Variants in LEFTY2 observed in about 807,000 individuals in gnomAD.
The protein encoded by LEFTY2 is TGF-beta-4.
In LEFTY2, 10 loss-of-function variants were observed where a neutral mutation model predicts 26.4. The ratio of observed to expected loss-of-function variants is 0.38; its 90% CI spans 0.23 to 0.64. The LOEUF is 0.64. Ranked by LOEUF, LEFTY2 falls within the 30% of genes least tolerant of loss-of-function variation. The probability of loss-of-function intolerance (pLI) is 0.56; values close to 1 mark genes in which losing one functional copy is unlikely to be tolerated. For synonymous variants in LEFTY2, 204 were observed against 234.1 expected (o/e 0.87, Z 1.17); for missense variants, 407 against 502.1 (o/e 0.81, Z 1.81).
Position 225,937,345 on chromosome 1 carries a change from G to C in LEFTY2, c.*96C>G. ...AAGGTCACACAGGAGCACTAAATTGGGATGGAGTAACTTGCTAAGTATAAA... is the reference window on the plus strand; with the variant it reads ...AAGGTCACACAGGAGCACTAAATTGCGATGGAGTAACTTGCTAAGTATAAA... On this transcript the variant is annotated 3_prime_UTR_variant, in exon 4 of 4. Coordinates refer to ENST00000366820, the MANE Select transcript of LEFTY2 (RefSeq NM_003240.5). The C allele has an allele frequency of 6.3e-7, 1 of 1,590,860 alleles. No homozygotes were observed. The highest frequency in any genetic ancestry group is 8.6e-7 in the Non-Finnish European group (1 of 1,168,372).
Position 225,939,494 on chromosome 1 carries a change from A to G in LEFTY2, c.604T>C (p.Ser202Pro). The G allele has an allele frequency of 6.2e-7, 1 of 1,611,458 alleles. No homozygotes were observed. Among genetic ancestry groups the G allele is most frequent in the South Asian group, 1.1e-5 (1 of 91,006 alleles). Residue 202 changes from serine to proline, a missense_variant, in exon 3 of 4, where the codon TCG (serine) becomes CCG (proline). Coordinates refer to ENST00000366820, the MANE Select transcript of LEFTY2 (RefSeq NM_003240.5). The surrounding 1 kb of genome is among the most constrained non-coding windows in gnomAD (Gnocchi z 4.1). ...GGGCCCAGATGCTCCCTCTGCACCGACACCTGTAGCAGCAGCGGCTGCCGG... is the reference window on the plus strand; with the variant it reads ...GGGCCCAGATGCTCCCTCTGCACCGGCACCTGTAGCAGCAGCGGCTGCCGG... ...RPRQPLLLQVSVQREHLGPLA... is the reference protein window; with the variant it reads ...RPRQPLLLQVPVQREHLGPLA...
In LEFTY2 at chr1:225,939,333, C is replaced by A. The variant is rs1393428696; in HGVS notation, c.737+28G>T. 6.2e-7 allele frequency: 1 copy of A among 1,613,036 alleles called. No individual in the cohort carries two copies. Among genetic ancestry groups the A allele is most frequent in the Admixed American group, 1.7e-5 (1 of 59,972 alleles). On this transcript the variant is annotated intron_variant, in intron 3 of 3. Coordinates refer to ENST00000366820, the MANE Select transcript of LEFTY2 (RefSeq NM_003240.5). The surrounding 1 kb of genome is among the most constrained non-coding windows in gnomAD (Gnocchi z 4.1). ...GTCTGGACCACTCAGTGGCTGCTTG[C>A]CTCCCTTCTGCCCAGTCCTGCACCT...
At chr1:225,940,806 AG>A in intron 1 of LEFTY2, 84 bp downstream of exon 1, 1 of 1,595,900 alleles carries the variant, frequency 6.3e-7, no homozygotes, top group Non-Finnish European at 8.6e-7. Context: ...CCAAAAGGCC[AG>A]GGGCCCTTCG....
In LEFTY2 at chr1:225,937,318, C is replaced by A. The variant is rs760522469; in HGVS notation, c.*123G>T. 6.6e-7 allele frequency: 1 copy of A among 1,506,738 alleles called. No homozygotes were observed. Among genetic ancestry groups the A allele is most frequent in the South Asian group, 1.1e-5 (1 of 87,850 alleles). 93.3% of individuals were successfully genotyped at this position (1,506,738 alleles called of 1,614,324 possible). ...AGACAGGAAATGGAAGGACACAGGG[C>A]GAAGGTCACACAGGAGCACTAAATT... On this transcript the variant is annotated 3_prime_UTR_variant, in exon 4 of 4. Transcript: ENST00000366820.
Position 225,937,445 on chromosome 1 carries a change from G to A in LEFTY2, c.1097C>T (p.Pro366Leu). The A allele has an allele frequency of 6.2e-7, 1 of 1,613,926 alleles. No homozygotes were observed. The highest frequency in any genetic ancestry group is 8.5e-7 in the Non-Finnish European group (1 of 1,180,042). Residue 366 changes from proline (P) to leucine (L), a missense_variant, in exon 4 of 4, where the codon CCA becomes CTA. Transcript: ENST00000366820. ...CTCAATGGATACACCAGGCGCCTATGGCTGGAGCCTCCTTGGCACGAGCGC... is the reference window on the plus strand; with the variant it reads ...CTCAATGGATACACCAGGCGCCTATAGCTGGAGCCTCCTTGGCACGAGCGC... ...DGALVPRRLQ[P>L]
At position 225,941,095 on chromosome 1, in the gene LEFTY2, C is replaced by T; in HGVS notation, c.46G>A (p.Ala16Thr). Residue 16 changes from alanine (A) to threonine (T), a missense_variant, in exon 1 of 4, where the codon GCT becomes ACT. Coordinates refer to ENST00000366820, the MANE Select transcript of LEFTY2 (RefSeq NM_003240.5). ...LCWALWVLPL[A>T]GPGAALTEEQ... ...TCGGTCAGGGCCGCCCCGGGGCCAG[C>T]CAGGGGCAGCACCCAGAGTGCCCAG... 1 of 1,591,396 alleles carries T rather than the reference C, an allele frequency of 6.3e-7. No homozygotes were observed. The highest frequency in any genetic ancestry group is 1.3e-5 in the African/African-American group (1 of 74,684).
In LEFTY2 at chr1:225,939,637, C is replaced by G. The variant is rs779806325; in HGVS notation, c.498-37G>C. ...TACACACGACACGGAGACCCAGCGC[C>G]GCTTGAGGGCGGGGACTGGGACGGG... On this transcript the variant is annotated intron_variant, in intron 2 of 3. Transcript: ENST00000366820. This position sits in a 1 kb window ranked among gnomAD's most constrained non-coding sequence, Gnocchi z 4.1. 1.9e-6 allele frequency: 3 copies of G among 1,612,308 alleles called. No individual in the cohort carries two copies. Among genetic ancestry groups the G allele is most frequent in the Non-Finnish European group, 2.5e-6 (3 of 1,179,764 alleles).
rs1281571080 is a variant in LEFTY2, at chr1:225,939,738, C to A, written c.497+18G>T. ...AGCAGCCTCCTACTCCTGCCCTGCG[C>A]GCCCGCGCGACCCCCACCTGGAGTC... On this transcript the variant is annotated intron_variant, in intron 2 of 3. Transcript: ENST00000366820. The surrounding 1 kb of genome is among the most constrained non-coding windows in gnomAD (Gnocchi z 4.1). The A allele has an allele frequency of 4.4e-6, 7 of 1,601,552 alleles. No homozygotes were observed. In the South Asian group the frequency reaches 6.6e-5, roughly 15 times the overall value.
rs775526350 is a variant in LEFTY2 at position 225,937,710 on chromosome 1, C to A, written c.832G>T (p.Ala278Ser). 1.9e-6 allele frequency: 3 copies of A among 1,613,026 alleles called. No individual in the cohort carries two copies. In the South Asian group the frequency reaches 3.3e-5, roughly 18 times the overall value. ...GGGGGCTCCAGCACCCAGTTCTTGG[C>A]CCACTTCATCCCCTGCAGGTCAATG... ...MYIDLQGMKW[A>S]KNWVLEPPGF... The change falls in exon 4 of 4, where the codon GCC becomes TCC. Residue 278 changes from alanine (A) to serine (S), a missense_variant. Physicochemically the swap from Ala to Ser is moderately conservative, Grantham distance 99. Coordinates refer to ENST00000366820, the MANE Select transcript of LEFTY2 (RefSeq NM_003240.5).
chr1:225,937,893 G>A (rs540728004), intron 3 of LEFTY2, 89 bp from the exon 4 acceptor site: 926 of 1,481,804 alleles, frequency 6.2e-4, no homozygotes, highest in Non-Finnish European at 7.9e-4. Context: ...ACCTGGGAGG[G>A]AGGTTTATGA....
Position 225,941,048 on chromosome 1 carries a change from C to T in LEFTY2, c.93G>A (p.Leu31=). Residue 31 remains leucine (L), a synonymous_variant, in exon 1 of 4, where the codon CTG becomes CTA. Coordinates refer to ENST00000366820, the MANE Select transcript of LEFTY2 (RefSeq NM_003240.5). ...CCTCGCTGAGCTGCAGCTGCCGCAG[C>T]AGGCTGCCCAGGAGCTGCTCCTCGG... is the stretch of plus-strand genomic sequence containing the variant. ...ALTEEQLLGS[L]LRQLQLSEVP... 1.2e-6 allele frequency: 2 copies of T among 1,611,842 alleles called. No homozygotes were observed. Among genetic ancestry groups the T allele is most frequent in the Non-Finnish European group, 1.7e-6 (2 of 1,179,400 alleles).
intron 3 of LEFTY2, among the ~76,000 whole-genome samples, chr1:225,938,652 C>T (rs532528469): frequency 1.4e-3 from 212 of 151,584 alleles, no homozygotes; most frequent in Non-Finnish European, 2.5e-3. Context: ...CATACTTGGC[C>T]TTACAATTTT....
Position 225,939,822 on chromosome 1 carries a change from C to T in LEFTY2, c.431G>A (p.Arg144Gln), listed in dbSNP as rs780129261. The part of the protein sequence containing the change: ...GRLSPRSAQA[R>Q]VTVEWLRVRD... Reference sequence around the variant, plus strand: ...GACGCGCAGCCACTCGACGGTCACCCGGGCCTGGGCGCTGCGCGGGGACAG... The same window carrying T: ...GACGCGCAGCCACTCGACGGTCACCTGGGCCTGGGCGCTGCGCGGGGACAG... Residue 144 changes from arginine to glutamine, a missense_variant, in exon 2 of 4, where the codon CGG (arginine) becomes CAG (glutamine). By Grantham distance (43) the Arg-to-Gln change is conservative (BLOSUM62 1). Coordinates refer to ENST00000366820, the MANE Select transcript of LEFTY2 (RefSeq NM_003240.5). The surrounding 1 kb of genome is among the most constrained non-coding windows in gnomAD (Gnocchi z 4.1). 1.9e-6 allele frequency: 3 copies of T among 1,550,596 alleles called. No individual in the cohort carries two copies. Among genetic ancestry groups the T allele is most frequent in the Non-Finnish European group, 8.7e-7 (1 of 1,153,526 alleles).
chr1:225,939,367 T>G lies in LEFTY2; in HGVS notation c.731A>C (p.Asp244Ala). 6.2e-7 allele frequency: 1 copy of G among 1,613,730 alleles called. No homozygotes were observed. The highest frequency in any genetic ancestry group is 8.5e-7 in the Non-Finnish European group (1 of 1,179,882). The change falls in exon 3 of 4, where the codon GAC (aspartate) becomes GCC (alanine). Residue 244 changes from aspartate to alanine, a missense_variant. Physicochemically the swap from Asp to Ala is moderately radical, Grantham distance 126. Transcript: ENST00000366820. This position sits in a 1 kb window ranked among gnomAD's most constrained non-coding sequence, Gnocchi z 4.1. ...QLELHTLDLR[D>A]YGAQGDCDPE... The stretch of plus-strand genomic sequence containing the variant: ...TGCCCAGTCCTGCACCTACCCATAG[T>G]CCCTGAGGTCCAGGGTGTGCAGCTC...
At chr1:225,940,756 C>T (rs1257918496) in intron 1 of LEFTY2, 135 bp downstream of exon 1, 11 of 1,371,224 alleles carry the variant, frequency 8.0e-6, no homozygotes, top group Non-Finnish European at 9.0e-6. Context: ...CTCCTCACTG[C>T]TCCTTGGACC....
rs768357169 is a variant in LEFTY2 at position 225,940,956 on chromosome 1, A to G, written c.185T>C (p.Val62Ala). Residue 62 changes from valine to alanine, a missense_variant, in exon 1 of 4, where the codon GTA becomes GCA. Transcript: ENST00000366820. ...VIPAHVRAQY[V>A]VLLRRSHGDR... ...CCCGTGGCTGCGCCGCAGCAGGACT[A>G]CATACTGGGCCCTCACGTGGGCGGG... The G allele has an allele frequency of 6.2e-7, 1 of 1,613,550 alleles. No individual in the cohort carries two copies.
intron 3 of LEFTY2, among the ~76,000 whole-genome samples, 200 bp from the exon 4 acceptor site, chr1:225,938,004 C>A (rs1487356974): frequency 6.6e-6 from 1 of 152,052 alleles, no homozygotes; most frequent in Non-Finnish European, 1.5e-5. Context: ...TTAAAGGTCT[C>A]CTAATAGGCC....
Position 225,940,926 on chromosome 1 carries a change from C to T in LEFTY2, c.215G>A (p.Arg72His), listed in dbSNP as rs767003638. 3.1e-6 allele frequency: 5 copies of T among 1,613,466 alleles called. No individual in the cohort carries two copies. Among genetic ancestry groups the T allele is most frequent in the African/African-American group, 2.7e-5 (2 of 74,902 alleles). The stretch of plus-strand genomic sequence containing the variant: ...CTGGCTGAACCTCTTTCCGCGGGAG[C>T]GGTCCCCGTGGCTGCGCCGCAGCAG... ...VVLLRRSHGD[R>H]SRGKRFSQSF... Residue 72 changes from arginine to histidine, a missense_variant, in exon 1 of 4, where the codon CGC (arginine) becomes CAC (histidine). Transcript: ENST00000366820.
chr1:225,940,939 T>A lies in LEFTY2; in HGVS notation c.202A>T (p.Ser68Cys). The A allele has an allele frequency of 6.2e-7, 1 of 1,613,604 alleles. No individual in the cohort carries two copies. Among genetic ancestry groups the A allele is most frequent in the South Asian group, 1.1e-5 (1 of 91,074 alleles). The change falls in exon 1 of 4, where the codon AGC (serine) becomes TGC (cysteine). Residue 68 changes from serine to cysteine, a missense_variant. Coordinates refer to ENST00000366820, the MANE Select transcript of LEFTY2 (RefSeq NM_003240.5). ...TTTCCGCGGGAGCGGTCCCCGTGGC[T>A]GCGCCGCAGCAGGACTACATACTGG... ...RAQYVVLLRR[S>C]HGDRSRGKRF...
Sources: gnomAD v4.1 joint callset for allele counts (sites outside exome capture counted in the v4.1 genomes callset) on GRCh38, gnomAD v4.1.1 for gene constraint, Gnocchi (gnomAD v3.1) non-coding constraint, MANE v1.5 for transcripts, NCBI Gene and HGNC (gene_info 2026-07-23, HGNC 2026-07-21) for gene names.